Variants in EFCAB5 observed in about 807,000 individuals in gnomAD.
EFCAB5 encodes the protein EF-hand calcium-binding domain-containing protein 5.
In EFCAB5, 131 loss-of-function variants were observed where a neutral mutation model predicts 167.9. That is an observed-to-expected ratio of 0.78 (90% CI 0.68 to 0.90). The LOEUF (loss-of-function observed/expected upper bound fraction) is 0.90, where lower values mean the gene tolerates loss of function less well. Among genes scored for constraint, EFCAB5 ranks in the 40% least tolerant of loss-of-function variants. The probability of loss-of-function intolerance (pLI) is 0.00; values close to 1 mark genes in which losing one functional copy is unlikely to be tolerated. For missense variants in EFCAB5, 1,663 were observed against 1,745.2 expected (o/e 0.95, Z 0.84); for synonymous variants, 574 against 602.8 (o/e 0.95, Z 0.70).
intron 14 of EFCAB5, among the ~76,000 whole-genome samples, chr17:30,074,919 A>T (rs562272939): frequency 6.6e-6 from 1 of 152,140 alleles, no homozygotes; most frequent in East Asian, 1.9e-4. Context: ...CAGATTTCTC[A>T]GTGGACAGAT....
chr17:30,038,463 C>A (rs985516067), intron 8 of EFCAB5, among the ~76,000 whole-genome samples: 1 of 152,154 alleles, frequency 6.6e-6, no homozygotes, highest in Non-Finnish European at 1.5e-5. Flanking sequence ...CATTGAGATG[C>A]GCCTGGTTAA....
intron 1 of EFCAB5, among the ~76,000 whole-genome samples, chr17:29,934,743 T>C (rs920187433): frequency 6.6e-6 from 1 of 152,136 alleles, no homozygotes; most frequent in Non-Finnish European, 1.5e-5. Flanking sequence ...AAGAACTTCA[T>C]TGTGCTGTCC....
At chr17:29,994,760 G>A (rs1248814402) in intron 5 of EFCAB5, among the ~76,000 whole-genome samples, 1 of 152,038 alleles carries the variant, frequency 6.6e-6, no homozygotes, top group Non-Finnish European at 1.5e-5. Flanking sequence ...CTATCTTGGT[G>A]CAGAAGTAAT....
At chr17:30,069,438 C>G in intron 14 of EFCAB5, 1 of 1,546,312 alleles carries the variant, frequency 6.5e-7, no homozygotes, top group Non-Finnish European at 8.9e-7. Flanking sequence ...GAGATATTCA[C>G]GGAAAAGGTT....
chr17:29,969,158 A>G lies in EFCAB5; in HGVS notation c.558A>G (p.Val186=), dbSNP rs1567685113. 1.2e-6 allele frequency: 2 copies of G among 1,613,904 alleles called. No homozygotes were observed. Among genetic ancestry groups the G allele is most frequent in the Admixed American group, 1.7e-5 (1 of 60,018 alleles). The part of the protein sequence containing the change: ...DKLLPTLVPG[V]ENMLTQVEKK... ...TTCTACCCACCTTAGTTCCTGGAGT[A>G]GAAAACATGTTAACTCAAGTAGAAA... Residue 186 remains valine, a synonymous_variant, in exon 4 of 23, where the codon GTA becomes GTG. Coordinates refer to ENST00000394835, the MANE Select transcript of EFCAB5 (RefSeq NM_198529.4).
At chr17:29,970,856 C>T (rs950286610) in intron 4 of EFCAB5, among the ~76,000 whole-genome samples, 1 of 152,142 alleles carries the variant, frequency 6.6e-6, no homozygotes, top group African/African-American at 2.4e-5. Flanking sequence ...AGGCTGATCA[C>T]CTGAGGTCAG....
chr17:30,056,163 G>A lies in EFCAB5; in HGVS notation c.2365+7G>A. On this transcript the variant is annotated splice_region_variant and intron_variant, in intron 12 of 22. Coordinates refer to ENST00000394835, the MANE Select transcript of EFCAB5 (RefSeq NM_198529.4). ...GGTAACTCCAGGTTCACAGGTACAT[G>A]TTAACAATGAAAGTAGGAATAGATG... 2 of 1,601,630 alleles carry A rather than the reference G, an allele frequency of 1.2e-6. No individual in the cohort carries two copies. The highest frequency in any genetic ancestry group is 2.2e-5 in the East Asian group (1 of 44,660).
At chr17:30,012,934 G>A (rs1467784902) in intron 7 of EFCAB5, among the ~76,000 whole-genome samples, 1 of 152,196 alleles carries the variant, frequency 6.6e-6, no homozygotes, top group African/African-American at 2.4e-5. Flanking sequence ...GATATTGGCT[G>A]TGGGTTTGTC....
At chr17:29,933,856 G>A (rs780846680) in intron 1 of EFCAB5, among the ~76,000 whole-genome samples, 4 of 152,094 alleles carry the variant, frequency 2.6e-5, no homozygotes, top group African/African-American at 4.8e-5. Flanking sequence ...TAAAGGGGTG[G>A]TTCTCTACCT....
chr17:29,953,205 G>A (rs534128359), intron 3 of EFCAB5, among the ~76,000 whole-genome samples: 11 of 152,114 alleles, frequency 7.2e-5, no homozygotes, highest in Admixed American at 2.6e-4. Flanking sequence ...CAAAATCAAC[G>A]TACAAAAATC....
chr17:30,022,426 C>T (rs186219281), intron 7 of EFCAB5, among the ~76,000 whole-genome samples: 190 of 152,168 alleles, frequency 1.2e-3, no homozygotes, highest in African/African-American at 4.4e-3. Flanking sequence ...CACACAAGCA[C>T]GTGCACACAA....
intron 2 of EFCAB5, 91 bp from the exon 3 acceptor site, chr17:29,943,474 C>A: frequency 1.8e-6 from 2 of 1,122,316 alleles, no homozygotes; most frequent in South Asian, 1.5e-5. Context: ...TCTTACAAAG[C>A]AATTAACTTT....
At chr17:29,977,346 A>T (rs1373792096) in intron 4 of EFCAB5, among the ~76,000 whole-genome samples, 1 of 152,214 alleles carries the variant, frequency 6.6e-6, no homozygotes, top group Non-Finnish European at 1.5e-5. Context: ...GATATTTTTT[A>T]AAATATAAAA....
intron 4 of EFCAB5, among the ~76,000 whole-genome samples, chr17:29,970,204 C>G (rs865872037): frequency 1.3e-5 from 2 of 152,108 alleles, no homozygotes; most frequent in South Asian, 4.1e-4. Flanking sequence ...CTTTGCCCCA[C>G]TGGTTTGGGA....
chr17:30,028,750 A>T (rs1222609624), intron 7 of EFCAB5, among the ~76,000 whole-genome samples: 1 of 152,190 alleles, frequency 6.6e-6, no homozygotes, highest in Admixed American at 6.5e-5. Context: ...GAAGGCTGAG[A>T]CAAGGTGTTG....
intron 8 of EFCAB5, among the ~76,000 whole-genome samples, chr17:30,046,352 A>AC (rs1346461637): frequency 6.6e-6 from 1 of 152,142 alleles, no homozygotes; most frequent in Non-Finnish European, 1.5e-5. Context: ...AATAGTGATG[A>AC]CCCCTGGGGT....
chr17:30,053,974 A>G lies in EFCAB5; in HGVS notation c.2020A>G (p.Arg674Gly), dbSNP rs777274396. 7 of 1,613,790 alleles carry G rather than the reference A, an allele frequency of 4.3e-6. No homozygotes were observed. The highest frequency in any genetic ancestry group is 5.9e-6 in the Non-Finnish European group (7 of 1,179,754). The change falls in exon 10 of 23, where the codon AGA (arginine) becomes GGA (glycine). Residue 674 changes from arginine to glycine, a missense_variant. Physicochemically the swap from Arg to Gly is moderately radical, Grantham distance 125 (BLOSUM62 -2). Transcript: ENST00000394835. ...QEDIGSTSQS[R>G]KDSILKSTKY... is the part of the protein sequence containing the mutation. ...AGACATAGGCTCAACTTCACAATCAAGAAAAGATAGTATCTTAAAAAGTAC... is the reference window on the plus strand; with the variant it reads ...AGACATAGGCTCAACTTCACAATCAGGAAAAGATAGTATCTTAAAAAGTAC...
chr17:30,026,080 T>C (rs1467886699), intron 7 of EFCAB5, among the ~76,000 whole-genome samples: 1 of 151,592 alleles, frequency 6.6e-6, no homozygotes, highest in Non-Finnish European at 1.5e-5. Context: ...AATGACGAGT[T>C]AATGGGTGCA....
rs2067298841 is a variant in EFCAB5, at chr17:29,941,640, C to CAATA, written c.-156_-153dup. 1 of 568,714 alleles carries CAATA rather than the reference C, an allele frequency of 1.8e-6. No individual in the cohort carries two copies. 35.2% of individuals were successfully genotyped at this position (568,714 alleles called of 1,614,324 possible). A position where few individuals can be genotyped will look rare whatever the true frequency, so the allele number is the denominator to read the frequency against. The stretch of plus-strand genomic sequence containing the variant: ...GTTCAGCAGTTGAGAATTTATCATT[C>CAATA]AATAGAATTGTGGGGTGAGGTGAGG... On this transcript the variant is annotated 5_prime_UTR_variant, in exon 1 of 23. Transcript: ENST00000394835.
Sources: gnomAD v4.1 joint callset for allele counts (sites outside exome capture counted in the v4.1 genomes callset) on GRCh38, gnomAD v4.1.1 for gene constraint, MANE v1.5 for transcripts, NCBI Gene and HGNC (gene_info 2026-07-23, HGNC 2026-07-21) for gene names.